Variants in MOCS1 observed in about 807,000 individuals in gnomAD.
The protein encoded by MOCS1 is molybdenum cofactor biosynthesis protein 1.
A neutral mutation model predicts 57.6 loss-of-function variants in MOCS1; 39 were observed. The ratio of observed to expected loss-of-function variants is 0.68; its 90% CI spans 0.52 to 0.88. The LOEUF (loss-of-function observed/expected upper bound fraction) is 0.88, where lower values mean the gene tolerates loss of function less well. MOCS1 is among the 40% of genes least tolerant of loss of function. The probability of loss-of-function intolerance (pLI) is 0.00; values close to 1 mark genes in which losing one functional copy is unlikely to be tolerated. For synonymous variants in MOCS1, 334 were observed against 335.7 expected (o/e 1.00, Z 0.05); for missense variants, 795 against 831.1 (o/e 0.96, Z 0.53).
intron 3 of MOCS1, among the ~76,000 whole-genome samples, chr6:39,923,538 C>A (rs1319839332): frequency 2.0e-5 from 3 of 152,282 alleles, no homozygotes; most frequent in Non-Finnish European, 4.4e-5. Flanking sequence ...GCGGCCCATG[C>A]CCGCGGGTGC....
chr6:39,909,786 G>C (rs955884633), intron 9 of MOCS1, 49 bp downstream of exon 9: 3 of 1,607,156 alleles, frequency 1.9e-6, no homozygotes. Context: ...CCCTCCCAGG[G>C]ACAAGGCCCA....
Position 39,915,995 on chromosome 6 carries a change from C to G in MOCS1, c.583+73G>C, listed in dbSNP as rs1767634306. On this transcript the variant is annotated intron_variant, in intron 4 of 10. Coordinates refer to ENST00000340692, the MANE Select transcript of MOCS1 (RefSeq NM_001358530.2). ...AGAGGAAGTGACCAGGCCCCTGGCT[C>G]AGCAATGGCCATGCCCTCCCCAGCT... is the stretch of plus-strand genomic sequence containing the variant. 13 of 1,514,832 alleles carry G rather than the reference C, an allele frequency of 8.6e-6. No individual in the cohort carries two copies. In the East Asian group the frequency reaches 3.2e-4, roughly 37 times the overall value. The allele number at this position is 1,514,832 out of a possible 1,614,324, so 93.8% of individuals were successfully genotyped here. A position where few individuals can be genotyped will look rare whatever the true frequency, so the allele number is the denominator to read the frequency against.
chr6:39,913,893 C>G (rs576534805), intron 4 of MOCS1, 58 bp from the exon 5 acceptor site: 4 of 1,547,274 alleles, frequency 2.6e-6, no homozygotes, highest in Non-Finnish European at 3.6e-6. Flanking sequence ...TCCCCCACAC[C>G]CCCACAGAAA....
At position 39,906,564 on chromosome 6, in the gene MOCS1, C is replaced by T; in HGVS notation, c.1704G>A (p.Leu568=). 6.2e-7 allele frequency: 1 copy of T among 1,613,778 alleles called. No homozygotes were observed. Among genetic ancestry groups the T allele is most frequent in the African/African-American group, 1.3e-5 (1 of 75,066 alleles). The part of the protein sequence containing the change: ...ALSHIQVQLE[L]DSTRHAVKIQ... ...TCTTCACGGCATGGCGTGTGCTGTC[C>T]AGCTCCAGCTGCACCTGGATGTGGC... The change falls in exon 11 of 11, where the codon CTG becomes CTA. Residue 568 remains leucine (L), a synonymous_variant. Coordinates refer to ENST00000340692, the MANE Select transcript of MOCS1 (RefSeq NM_001358530.2).
rs894162865 is a variant in MOCS1 at position 39,930,235 on chromosome 6, A to T, written c.124-2780T>A. ...CCCTTAAGTCTCCTGGAGGAAAAAA[A>T]TATCAGCACCAGTCAAAGGAGCCCA... On this transcript the variant is annotated intron_variant, in intron 1 of 10. Transcript: ENST00000340692. Among the ~76,000 whole-genome samples, 3 of 152,244 alleles carry T rather than the reference A, an allele frequency of 2.0e-5. No homozygotes were observed. The East Asian group carries it at 5.8e-4, about 29-fold the overall frequency.
In MOCS1 at chr6:39,931,229, A is replaced by T. The variant is rs140012048; in HGVS notation, c.123+3066T>A. On this transcript the variant is annotated intron_variant, in intron 1 of 10. Transcript: ENST00000340692. ...GGTGAAGGGGGTGGGGAAGGGTGGG[A>T]CAAAAGAGTTAAAGCGGGACCCTGC... Among the ~76,000 whole-genome samples, 328 of 152,232 alleles carry T rather than the reference A, an allele frequency of 2.2e-3. 1 individual carries two copies. Among genetic ancestry groups the T allele is most frequent in the African/African-American group, 7.4e-3 (308 of 41,538 alleles).
At chr6:39,927,609 G>A in intron 1 of MOCS1, 154 bp from the exon 2 acceptor site, 2 of 1,602,166 alleles carry the variant, frequency 1.2e-6, no homozygotes, top group Non-Finnish European at 8.5e-7. Context: ...GGGAAGCTGG[G>A]ATTGTCCCTC....
intron 3 of MOCS1, among the ~76,000 whole-genome samples, chr6:39,916,688 A>G (rs1231614707): frequency 9.2e-5 from 14 of 152,230 alleles, no homozygotes; most frequent in Non-Finnish European, 2.9e-5. Flanking sequence ...ATTAAGTGCT[A>G]TTTGACAGCT....
In MOCS1 at chr6:39,909,996, G is replaced by T; in HGVS notation, c.982-41C>A. 2.5e-6 allele frequency: 4 copies of T among 1,609,260 alleles called. No individual in the cohort carries two copies. In the South Asian group the frequency reaches 4.4e-5, roughly 18 times the overall value. ...GACAATATGCCTTCCTTACCCCTGA[G>T]CCTTGGCCTCCTGGCCTCTGAGGAG... On this transcript the variant is annotated intron_variant, in intron 8 of 10. Transcript: ENST00000340692.
At chr6:39,912,456 C>G in intron 7 of MOCS1, 82 bp from the exon 8 acceptor site, 1 of 976,644 alleles carries the variant, frequency 1.0e-6, no homozygotes, top group Non-Finnish European at 1.7e-6. Context: ...GACATCAGAA[C>G]CTCCACTCCT....
At chr6:39,909,146 G>GGGGAGA (rs1184348420) in intron 9 of MOCS1, 44 bp from the exon 10 acceptor site, 2 of 1,212,714 alleles carry the variant, frequency 1.6e-6, no homozygotes, top group African/African-American at 3.2e-5. Flanking sequence ...AGCAGGGGAG[G>GGGGAGA]GGGAGAGGGA....
chr6:39,913,682 T>A, intron 5 of MOCS1, 92 bp downstream of exon 5: 1 of 1,399,900 alleles, frequency 7.1e-7, no homozygotes, highest in Non-Finnish European at 1.0e-6. Flanking sequence ...TGGCCAGAGC[T>A]GAGGGCTCTC....
rs776952545 is a variant in MOCS1, at chr6:39,906,263, G to A, written c.*94C>T. The A allele has an allele frequency of 1.2e-4, 182 of 1,495,742 alleles. No homozygotes were observed. The highest frequency in any genetic ancestry group is 1.6e-4 in the Non-Finnish European group (172 of 1,077,268). The allele number at this position is 1,495,742 out of a possible 1,614,324, so 92.7% of individuals were successfully genotyped here. A position where few individuals can be genotyped will look rare whatever the true frequency, so the allele number is the denominator to read the frequency against. ...GTTTACTGCTCAAGGTAAACAAACA[G>A]TGACTGTGATTAAAGGAACCTGACG... On this transcript the variant is annotated 3_prime_UTR_variant, in exon 11 of 11. Coordinates refer to ENST00000340692, the MANE Select transcript of MOCS1 (RefSeq NM_001358530.2).
intron 3 of MOCS1, among the ~76,000 whole-genome samples, chr6:39,920,731 C>A (rs544817743): frequency 8.1e-4 from 123 of 152,270 alleles, no homozygotes; most frequent in African/African-American, 2.7e-3. Flanking sequence ...GTAATCCCAG[C>A]ACTTTGGGAG....
chr6:39,909,721 T>A, intron 9 of MOCS1, 114 bp downstream of exon 9: 2 of 1,439,070 alleles, frequency 1.4e-6, no homozygotes, highest in Admixed American at 3.4e-5. Context: ...ATGCTGACTC[T>A]CGCCAGCTTC....
chr6:39,927,959 G>C (rs1406905424), intron 1 of MOCS1, among the ~76,000 whole-genome samples: 1 of 152,106 alleles, frequency 6.6e-6, no homozygotes, highest in East Asian at 1.9e-4. Context: ...TCGGTCCTTG[G>C]AGAGTACAAC....
At chr6:39,919,817 C>A (rs1014914618) in intron 3 of MOCS1, among the ~76,000 whole-genome samples, 2 of 152,022 alleles carry the variant, frequency 1.3e-5, no homozygotes, top group Non-Finnish European at 2.9e-5. Context: ...ACATTGAATT[C>A]CCAAAAATCA....
At position 39,928,712 on chromosome 6, in the gene MOCS1, G is replaced by A. The variant is rs925648599; in HGVS notation, c.124-1257C>T. Reference sequence around the variant, plus strand: ...TAACTTCTCCAGGCCTGCTTTCCCAGTTGTAAAATAAGAATACAGCTACAG... The same window carrying A: ...TAACTTCTCCAGGCCTGCTTTCCCAATTGTAAAATAAGAATACAGCTACAG... On this transcript the variant is annotated intron_variant, in intron 1 of 10. Coordinates refer to ENST00000340692, the MANE Select transcript of MOCS1 (RefSeq NM_001358530.2). 2.0e-5 allele frequency among the ~76,000 whole-genome samples: 3 copies of A among 152,222 alleles called. No homozygotes were observed. In the South Asian group the frequency reaches 6.2e-4, roughly 32 times the overall value.
chr6:39,927,681 G>T, intron 1 of MOCS1: 1 of 1,547,532 alleles, frequency 6.5e-7, no homozygotes, highest in South Asian at 1.2e-5. Context: ...TGGGGGTCGG[G>T]GGCGGATGGT....
Sources: allele counts gnomAD v4.1 joint callset (sites outside exome capture counted in the v4.1 genomes callset), GRCh38; gene constraint gnomAD v4.1.1; transcripts MANE v1.5; gene names NCBI Gene and HGNC (gene_info 2026-07-23, HGNC 2026-07-21).